Variants in PTPRM observed in about 807,000 individuals in gnomAD.
PTPRM encodes receptor-type tyrosine-protein phosphatase mu.
In PTPRM, 47 loss-of-function variants were observed where a neutral mutation model predicts 186.7. The ratio of observed to expected loss-of-function variants is 0.25; its 90% confidence interval spans 0.20 to 0.32. The LOEUF is 0.32. Ranked by LOEUF, PTPRM falls within the 10% of genes least tolerant of loss-of-function variation. PTPRM has a pLI of 1.00. For synonymous variants in PTPRM, 668 were observed against 674.9 expected (o/e 0.99, Z 0.16); for missense variants, 1,494 against 1,865.0 (o/e 0.80, Z 3.66).
chr18:7,796,128 A>C (rs904674214), intron 2 of PTPRM, among the ~76,000 whole-genome samples: 1 of 151,466 alleles, frequency 6.6e-6, no homozygotes, highest in Admixed American at 6.6e-5. Context: ...TTTGGACTCA[A>C]ACACCACACA....
At chr18:8,305,256 G>A (rs1055363405) in intron 20 of PTPRM, among the ~76,000 whole-genome samples, 4 of 152,150 alleles carry the variant, frequency 2.6e-5, no homozygotes, top group Admixed American at 6.5e-5. Context: ...AAAAACGTCT[G>A]TTTTAGAAAA....
intron 13 of PTPRM, chr18:8,121,869 A>C (rs1325599403): frequency 6.6e-6 from 1 of 152,220 alleles, no homozygotes; most frequent in Non-Finnish European, 1.5e-5. Context: ...TTAACAATGA[A>C]TCTTTCAGCA....
chr18:7,586,356 T>A (rs2036979944), intron 1 of PTPRM, among the ~76,000 whole-genome samples: 1 of 152,278 alleles, frequency 6.6e-6, no homozygotes, highest in South Asian at 2.1e-4. Flanking sequence ...GTGGCAGGAC[T>A]AAGGACCTGG....
intron 14 of PTPRM, among the ~76,000 whole-genome samples, chr18:8,185,384 G>A (rs566760412): frequency 3.5e-4 from 54 of 152,270 alleles, no homozygotes; most frequent in African/African-American, 1.1e-3. Flanking sequence ...TATTCTACAC[G>A]CGTAAACTGA....
Position 8,337,062 on chromosome 18 carries a change from G to A in PTPRM, c.2957-6361G>A, listed in dbSNP as rs577030415. ...AGAAAGACTATTGCATATGGAGGCT[G>A]GAGACTCCTGCCTAGGGAATAAGTT... is the stretch of plus-strand genomic sequence containing the variant. On this transcript the variant is annotated intron_variant, in intron 22 of 32. Transcript: ENST00000580170. 2.6e-5 allele frequency among the ~76,000 whole-genome samples: 4 copies of A among 152,242 alleles called. No individual in the cohort carries two copies. The East Asian group carries it at 5.8e-4, about 22-fold the overall frequency.
At chr18:7,615,175 C>T (rs965907735) in intron 1 of PTPRM, among the ~76,000 whole-genome samples, 27 of 152,044 alleles carry the variant, frequency 1.8e-4, no homozygotes, top group African/African-American at 5.1e-4. Flanking sequence ...TTGCCTAAAA[C>T]AAAAACCTCA....
intron 2 of PTPRM, among the ~76,000 whole-genome samples, chr18:7,793,337 A>T (rs1356998938): frequency 6.6e-6 from 1 of 152,200 alleles, no homozygotes; most frequent in African/African-American, 2.4e-5. Flanking sequence ...TCACACCGTG[A>T]TGTTCTTATA....
At chr18:8,210,410 G>C (rs2093987364) in intron 14 of PTPRM, among the ~76,000 whole-genome samples, 1 of 152,142 alleles carries the variant, frequency 6.6e-6, no homozygotes. Flanking sequence ...AGAGATTGGA[G>C]GGGTCCTGCC....
At chr18:8,389,589 C>T (rs1005322860) in intron 31 of PTPRM, among the ~76,000 whole-genome samples, 1 of 152,206 alleles carries the variant, frequency 6.6e-6, no homozygotes. Flanking sequence ...CCTAAAGCCC[C>T]GCCTCTGTTC....
chr18:7,789,255 G>A (rs1433495301), intron 2 of PTPRM, among the ~76,000 whole-genome samples: 1 of 152,088 alleles, frequency 6.6e-6, no homozygotes, highest in African/African-American at 2.4e-5. Flanking sequence ...AGCCAAGGAG[G>A]TTGAGGCTGC....
chr18:8,205,960 G>T (rs1458646797), intron 14 of PTPRM, among the ~76,000 whole-genome samples: 2 of 152,118 alleles, frequency 1.3e-5, no homozygotes, highest in African/African-American at 4.8e-5. Context: ...AGCGTGTGAG[G>T]TCTGTGAAAT....
chr18:7,872,731 A>G lies in PTPRM; in HGVS notation c.197-15375A>G, dbSNP rs902612979. On this transcript the variant is annotated intron_variant, in intron 2 of 32. Coordinates refer to ENST00000580170, the MANE Select transcript of PTPRM (RefSeq NM_001105244.2). ...AGGCAGAAGATGAAGAGCACTTAGTATCGAGTGCCTCTGTGAGTCATCACA... is the reference window on the plus strand; with the variant it reads ...AGGCAGAAGATGAAGAGCACTTAGTGTCGAGTGCCTCTGTGAGTCATCACA... Among the ~76,000 whole-genome samples the G allele has an allele frequency of 2.0e-5, 3 of 152,226 alleles. No homozygotes were observed. The East Asian group carries it at 5.8e-4, about 29-fold the overall frequency.
chr18:8,076,853 G>A (rs1600424184), intron 9 of PTPRM, among the ~76,000 whole-genome samples: 2 of 152,052 alleles, frequency 1.3e-5, no homozygotes, highest in East Asian at 3.9e-4. Context: ...AAAACAATAA[G>A]TATTTTGAAA....
intron 19 of PTPRM, among the ~76,000 whole-genome samples, chr18:8,256,540 T>C (rs1410853958): frequency 2.0e-5 from 3 of 152,214 alleles, no homozygotes; most frequent in Non-Finnish European, 4.4e-5. Context: ...GTTGACACCA[T>C]GTTCTTTATA....
intron 7 of PTPRM, among the ~76,000 whole-genome samples, chr18:8,033,037 A>G (rs1298120630): frequency 6.6e-6 from 1 of 152,146 alleles, no homozygotes; most frequent in Non-Finnish European, 1.5e-5. Context: ...TAAATAAAAG[A>G]TTGATGAATT....
At chr18:8,302,570 T>C (rs2095171082) in intron 20 of PTPRM, among the ~76,000 whole-genome samples, 1 of 152,056 alleles carries the variant, frequency 6.6e-6, no homozygotes, top group African/African-American at 2.4e-5. Context: ...GGGACAGCTG[T>C]TGAGGAATTT....
At chr18:8,041,531 T>C (rs1303309779) in intron 7 of PTPRM, among the ~76,000 whole-genome samples, 1 of 152,200 alleles carries the variant, frequency 6.6e-6, no homozygotes, top group Non-Finnish European at 1.5e-5. Flanking sequence ...TTCTTTCTTA[T>C]AAGATGTGTA....
chr18:8,297,226 A>C (rs1405771294), intron 20 of PTPRM, among the ~76,000 whole-genome samples: 1 of 152,220 alleles, frequency 6.6e-6, no homozygotes, highest in African/African-American at 2.4e-5. Flanking sequence ...ATTTATAAAG[A>C]TACATAAATT....
chr18:7,890,774 C>T (rs1441932410), intron 3 of PTPRM, among the ~76,000 whole-genome samples: 1 of 151,936 alleles, frequency 6.6e-6, no homozygotes, highest in Non-Finnish European at 1.5e-5. Flanking sequence ...ATTTTTCCAA[C>T]AATAGAGGAT....
Sources: allele counts gnomAD v4.1 joint callset (sites outside exome capture counted in the v4.1 genomes callset), GRCh38; gene constraint gnomAD v4.1.1; transcripts MANE v1.5; gene names NCBI Gene and HGNC (gene_info 2026-07-23, HGNC 2026-07-21).